Variants in PTPRG observed in about 807,000 individuals in gnomAD.
PTPRG encodes the protein receptor-type tyrosine-protein phosphatase gamma.
In PTPRG, 102 loss-of-function variants were observed where a neutral mutation model predicts 165.3. That is an observed-to-expected ratio of 0.62 (90% CI 0.53 to 0.73). PTPRG has a LOEUF of 0.73. Among genes scored for constraint, PTPRG ranks in the 30% least tolerant of loss-of-function variants. The probability of loss-of-function intolerance (pLI) is 0.00; values close to 1 mark genes in which losing one functional copy is unlikely to be tolerated. For synonymous variants in PTPRG, 675 were observed against 669.5 expected, an observed-to-expected ratio of 1.01 and a Z score of -0.13; for missense variants, 1,866 against 1,861.4, an observed-to-expected ratio of 1.00 and a Z score of -0.05.
chr3:61,745,302 C>T (rs2033156064), intron 1 of PTPRG, among the ~76,000 whole-genome samples: 1 of 152,166 alleles, frequency 6.6e-6, no homozygotes, highest in Non-Finnish European at 1.5e-5. Flanking sequence ...CCACCTTGGC[C>T]TCCCAAAGTG....
intron 28 of PTPRG, 40 bp downstream of exon 28, chr3:62,282,909 T>A (rs201239700): frequency 1.3e-6 from 2 of 1,550,772 alleles, no homozygotes; most frequent in Non-Finnish European, 1.7e-6. Flanking sequence ...TAGACCGTTT[T>A]TTTGTTTAAT....
chr3:61,669,332 C>G (rs116406496), intron 1 of PTPRG, among the ~76,000 whole-genome samples: 4,859 of 151,834 alleles, frequency 0.032, 264 homozygotes, highest in African/African-American at 0.11. Context: ...GGTCAGAGGA[C>G]TGACTCCAAA....
At chr3:61,696,176 T>TTGC (rs1212130671) in intron 1 of PTPRG, among the ~76,000 whole-genome samples, 1 of 152,166 alleles carries the variant, frequency 6.6e-6, no homozygotes, top group Non-Finnish European at 1.5e-5. Flanking sequence ...TTTGTTGTTG[T>TTGC]TGCAAATTGA....
At position 61,697,772 on chromosome 3, in the gene PTPRG, C is replaced by T. The variant is rs192007646; in HGVS notation, c.86-51106C>T. Among the ~76,000 whole-genome samples the T allele has an allele frequency of 5.6e-4, 85 of 152,262 alleles. 1 individual carries two copies. The East Asian group carries it at 0.012, about 22-fold the overall frequency. ...CCACAGCCCCCCACTTCCCTTTCCC[C>T]TATGAAAAGGGTAGTTACGCCTCAA... On this transcript the variant is annotated intron_variant, in intron 1 of 29. Transcript: ENST00000474889.
At chr3:61,626,038 G>A in intron 1 of PTPRG, among the ~76,000 whole-genome samples, 1 of 146,502 alleles carries the variant, frequency 6.8e-6, no homozygotes, top group Non-Finnish European at 1.5e-5. Context: ...GGGCGGGAGA[G>A]ATCACTTTTA....
chr3:62,211,073 T>C lies in PTPRG; in HGVS notation c.2155+7123T>C, dbSNP rs543513796. Among the ~76,000 whole-genome samples, 536 of 152,324 alleles carry C rather than the reference T, an allele frequency of 3.5e-3. 3 individuals are homozygous for C. The highest frequency in any genetic ancestry group is 0.012 in the African/African-American group (506 of 41,566). On this transcript the variant is annotated intron_variant, in intron 12 of 29. Transcript: ENST00000474889. ...AGACCCATGTTCATGGCAACATTAT[T>C]GACAATAGCCAAGAGGTGGAAGCAA... is the stretch of plus-strand genomic sequence containing the variant.
chr3:61,704,583 C>A (rs991520641), intron 1 of PTPRG, among the ~76,000 whole-genome samples: 7 of 151,660 alleles, frequency 4.6e-5, no homozygotes, highest in Admixed American at 4.0e-4. Context: ...ACCCCCCACC[C>A]ACCCCACCTT....
chr3:62,077,575 G>T (rs1248146164), intron 4 of PTPRG, among the ~76,000 whole-genome samples: 1 of 152,122 alleles, frequency 6.6e-6, no homozygotes, highest in Admixed American at 6.5e-5. Flanking sequence ...CCATGACCTG[G>T]CTATTAGAGG....
At position 62,240,738 on chromosome 3, in the gene PTPRG, G is replaced by A. The variant is rs1400225355; in HGVS notation, c.2376-3069G>A. 1.3e-5 allele frequency among the ~76,000 whole-genome samples: 2 copies of A among 152,120 alleles called. No homozygotes were observed. Among genetic ancestry groups the A allele is most frequent in the Non-Finnish European group, 2.9e-5 (2 of 68,026 alleles). Reference sequence around the variant, plus strand: ...GGCTCTTCAACTAGCTGCTTGACCTGCCTAAAATGGTCTTCCTCCAGAGTT... The same window carrying A: ...GGCTCTTCAACTAGCTGCTTGACCTACCTAAAATGGTCTTCCTCCAGAGTT... On this transcript the variant is annotated intron_variant, in intron 14 of 29. Transcript: ENST00000474889. The surrounding 1 kb of genome is among the most constrained non-coding windows in gnomAD (Gnocchi z 5.1).
At chr3:62,019,160 TG>T (rs1252286156) in intron 4 of PTPRG, among the ~76,000 whole-genome samples, 1 of 152,184 alleles carries the variant, frequency 6.6e-6, no homozygotes, top group Non-Finnish European at 1.5e-5. Context: ...ATCAAATTCC[TG>T]AGGTCCCTCT....
At chr3:61,647,002 C>G (rs1018490388) in intron 1 of PTPRG, among the ~76,000 whole-genome samples, 5 of 152,174 alleles carry the variant, frequency 3.3e-5, no homozygotes, top group Non-Finnish European at 1.5e-5. Context: ...TTTATCCGTT[C>G]ATCTGTTGAA....
chr3:61,819,060 A>G (rs1471363698), intron 2 of PTPRG, among the ~76,000 whole-genome samples: 1 of 152,234 alleles, frequency 6.6e-6, no homozygotes, highest in Non-Finnish European at 1.5e-5. Context: ...AGACTCTGTC[A>G]CTATAAGGAA....
At chr3:62,269,218 G>C in intron 20 of PTPRG, 49 bp downstream of exon 20, 1 of 1,499,316 alleles carries the variant, frequency 6.7e-7, no homozygotes, top group Non-Finnish European at 9.0e-7. Flanking sequence ...TTTTATACTT[G>C]TATGAAAATT....
intron 7 of PTPRG, among the ~76,000 whole-genome samples, chr3:62,163,364 T>A (rs1704843196): frequency 6.6e-6 from 1 of 152,158 alleles, no homozygotes. Flanking sequence ...TTCTGTGGAT[T>A]AAGTGAGAGA....
chr3:62,130,491 G>A (rs1201736128), intron 5 of PTPRG, among the ~76,000 whole-genome samples: 1 of 152,160 alleles, frequency 6.6e-6, no homozygotes. Flanking sequence ...GGAATTTGTG[G>A]CCATTTTGTC....
At chr3:61,784,290 T>C (rs1413806364) in intron 2 of PTPRG, among the ~76,000 whole-genome samples, 3 of 152,144 alleles carry the variant, frequency 2.0e-5, no homozygotes, top group Non-Finnish European at 4.4e-5. Context: ...GGGACGGGGT[T>C]AGGTGATGTT....
intron 4 of PTPRG, among the ~76,000 whole-genome samples, chr3:62,006,701 T>G (rs1401540813): frequency 3.9e-5 from 6 of 152,162 alleles, no homozygotes; most frequent in African/African-American, 1.4e-4. Context: ...CCCTGCACCC[T>G]GGGACATTAG....
chr3:61,805,486 T>C (rs1244112394), intron 2 of PTPRG, among the ~76,000 whole-genome samples: 1 of 148,690 alleles, frequency 6.7e-6, no homozygotes, highest in African/African-American at 2.5e-5. Flanking sequence ...TAAATTACCT[T>C]TTAAAACAAA....
At chr3:62,139,351 CGGGAGGCTGA>C (rs1008075170) in intron 6 of PTPRG, among the ~76,000 whole-genome samples, 1 of 151,884 alleles carries the variant, frequency 6.6e-6, no homozygotes, top group Non-Finnish European at 1.5e-5. Flanking sequence ...CTTAGCTACT[CGGGAGGCTGA>C]GGCAGGAGAA....
Sources: gnomAD v4.1 joint callset for allele counts (sites outside exome capture counted in the v4.1 genomes callset) on GRCh38, gnomAD v4.1.1 for gene constraint, Gnocchi (gnomAD v3.1) non-coding constraint, MANE v1.5 for transcripts, NCBI Gene and HGNC (gene_info 2026-07-23, HGNC 2026-07-21) for gene names.